The following GALNT2 variants were observed in gnomAD, a reference collection of about 807,000 sequenced individuals.
GALNT2 encodes polypeptide N-acetylgalactosaminyltransferase 2, also known as UDP-GalNAc:polypeptide N-acetylgalactosaminyltransferase 2.
GALNT2 carries 31 observed loss-of-function variants against 81.4 expected under a neutral mutation model. The ratio of observed to expected loss-of-function variants is 0.38; its 90% CI spans 0.29 to 0.51. The LOEUF (loss-of-function observed/expected upper bound fraction) is 0.51. Among genes scored for constraint, GALNT2 ranks in the 20% least tolerant of loss-of-function variants. GALNT2 has a pLI of 0.87. For missense variants in GALNT2, 629 were observed against 765.7 expected (o/e 0.82, Z 2.11); for synonymous variants, 303 against 287.4 (o/e 1.05, Z -0.55).
rs115780574 is a variant in GALNT2 at position 230,106,357 on chromosome 1, A to G, written c.126+38951A>G. 4.0e-3 allele frequency among the ~76,000 whole-genome samples: 614 copies of G among 152,310 alleles called. 3 individuals are homozygous for G. Among genetic ancestry groups the G allele is most frequent in the African/African-American group, 0.014 (592 of 41,560 alleles). ...GGCTTAGTGCCTGCTTCCAGGAGCCATGCCTCCTCCTGGCCTGGAATGAAT... is the reference window on the plus strand; with the variant it reads ...GGCTTAGTGCCTGCTTCCAGGAGCCGTGCCTCCTCCTGGCCTGGAATGAAT... On this transcript the variant is annotated intron_variant, in intron 1 of 15. Transcript: ENST00000366672.
intron 1 of GALNT2, among the ~76,000 whole-genome samples, chr1:230,068,244 C>T (rs761892644): frequency 3.9e-5 from 6 of 152,252 alleles, no homozygotes; most frequent in Non-Finnish European, 7.3e-5. Flanking sequence ...GGTTCCGCGT[C>T]CTCGTGCCGC....
At chr1:230,208,820 G>A (rs1222358158) in intron 3 of GALNT2, among the ~76,000 whole-genome samples, 2 of 152,128 alleles carry the variant, frequency 1.3e-5, no homozygotes, top group Non-Finnish European at 2.9e-5. Flanking sequence ...TCTCAGCCTT[G>A]AGCTGTGCCA....
At chr1:230,204,556 A>G (rs1247674864) in intron 3 of GALNT2, among the ~76,000 whole-genome samples, 1 of 152,184 alleles carries the variant, frequency 6.6e-6, no homozygotes, top group Non-Finnish European at 1.5e-5. Flanking sequence ...TTTTAAAAAG[A>G]GTATTTGTCA....
intron 1 of GALNT2, among the ~76,000 whole-genome samples, chr1:230,166,261 A>G (rs927043204): frequency 3.9e-5 from 6 of 152,254 alleles, no homozygotes; most frequent in African/African-American, 1.4e-4. Flanking sequence ...TTTTAAATGA[A>G]TAAAAAGAAA....
intron 1 of GALNT2, among the ~76,000 whole-genome samples, chr1:230,175,583 C>T (rs1446465994): frequency 1.8e-5 from 2 of 110,872 alleles, no homozygotes; most frequent in African/African-American, 8.3e-5. Context: ...TGCCTCCTCC[C>T]CTCCTCGTCC....
intron 1 of GALNT2, among the ~76,000 whole-genome samples, chr1:230,087,348 C>T (rs557653668): frequency 1.3e-5 from 2 of 152,306 alleles, no homozygotes; most frequent in South Asian, 2.1e-4. Context: ...TGATTGCACT[C>T]GAATTACTGC....
chr1:230,247,413 A>C (rs1665408117), intron 8 of GALNT2, among the ~76,000 whole-genome samples: 1 of 152,158 alleles, frequency 6.6e-6, no homozygotes, highest in South Asian at 2.1e-4. Flanking sequence ...TGGGATGATA[A>C]TTGTGCTGGC....
At chr1:230,198,387 G>T (rs190999914) in intron 2 of GALNT2, among the ~76,000 whole-genome samples, 3,062 of 138,070 alleles carry the variant, frequency 0.022, 144 homozygotes, top group Middle Eastern at 0.047. Context: ...ACGAGGAGTG[G>T]CAGGGGCAGG....
chr1:230,185,142 A>G (rs1489592601), intron 2 of GALNT2, among the ~76,000 whole-genome samples: 1 of 151,982 alleles, frequency 6.6e-6, no homozygotes, highest in African/African-American at 2.4e-5. Context: ...TGTGTTACCT[A>G]CTTTTTCCAT....
chr1:230,256,086 T>TC lies in GALNT2; in HGVS notation c.1136+749dup, dbSNP rs541829473. Among the ~76,000 whole-genome samples, 12 of 151,786 alleles carry TC rather than the reference T, an allele frequency of 7.9e-5. No individual in the cohort carries two copies. In the South Asian group the frequency reaches 1.5e-3, roughly 18 times the overall value. ...ATTCTCCCTTTTATAATAGCATCAA[T>TC]CCCCCCCATGAGAGTGGAGCCCTCA... On this transcript the variant is annotated intron_variant, in intron 11 of 15. Transcript: ENST00000366672.
At chr1:230,066,637 C>T (rs763050662), upstream of GALNT2, among the ~76,000 whole-genome samples, 5 of 152,196 alleles carry the variant, frequency 3.3e-5, no homozygotes, top group Non-Finnish European at 5.9e-5. Flanking sequence ...TTCAAGCGGG[C>T]GGTTTGCACC....
chr1:230,236,047 G>C lies in GALNT2; in HGVS notation c.408G>C (p.Pro136=). 6.2e-7 allele frequency: 1 copy of C among 1,613,596 alleles called. No homozygotes were observed. The part of the protein sequence containing the change: ...CQRKQWRVDL[P]ATSVVITFHN... ...GGAAGCAGTGGCGGGTGGATCTGCC[G>C]GCCACCAGCGTGGTGATCACGTTTC... is the stretch of plus-strand genomic sequence containing the variant. The change falls in exon 4 of 16, where the codon CCG becomes CCC. Residue 136 remains proline, a synonymous_variant. Coordinates refer to ENST00000366672, the MANE Select transcript of GALNT2 (RefSeq NM_004481.5).
intron 14 of GALNT2, among the ~76,000 whole-genome samples, chr1:230,270,576 C>T (rs2102775508): frequency 6.6e-6 from 1 of 152,334 alleles, no homozygotes; most frequent in South Asian, 2.1e-4. Flanking sequence ...GACAGTACGG[C>T]TCAGATATTC....
rs775028859 is a variant in GALNT2, at chr1:230,246,187, C to T, written c.817+37C>T. On this transcript the variant is annotated intron_variant, in intron 8 of 15. Transcript: ENST00000366672. Reference sequence around the variant, plus strand: ...TCATGGTGCCCCTGCCTAGCTCGTCCCGTCTACACCAGCATCTGATCACCA... The same window carrying T: ...TCATGGTGCCCCTGCCTAGCTCGTCTCGTCTACACCAGCATCTGATCACCA... The T allele has an allele frequency of 2.8e-6, 4 of 1,431,392 alleles. No homozygotes were observed. In the Admixed American group the frequency reaches 5.0e-5, roughly 18 times the overall value. 88.7% of individuals were successfully genotyped at this position (1,431,392 alleles called of 1,614,324 possible). A position where few individuals can be genotyped will look rare whatever the true frequency, so the allele number is the denominator to read the frequency against.
At chr1:230,211,584 C>A (rs1302928443) in intron 3 of GALNT2, among the ~76,000 whole-genome samples, 1 of 151,978 alleles carries the variant, frequency 6.6e-6, no homozygotes, top group African/African-American at 2.4e-5. Flanking sequence ...AGCTTGAGAC[C>A]AACCTGGGCA....
intron 1 of GALNT2, among the ~76,000 whole-genome samples, chr1:230,154,228 T>C (rs1251436419): frequency 2.0e-5 from 3 of 152,250 alleles, no homozygotes; most frequent in African/African-American, 7.2e-5. Context: ...GCACTTGCAG[T>C]GGAGACATAG....
At chr1:230,058,181 C>A (rs532970610) in intron 1 of GALNT2, 64 of 450,454 alleles carry the variant, frequency 1.4e-4, no homozygotes, top group African/African-American at 1.1e-3. Context: ...TGACACTGGC[C>A]TCCTCCTTCC....
intron 3 of GALNT2, among the ~76,000 whole-genome samples, chr1:230,233,204 A>AAT (rs1411094009): frequency 6.6e-6 from 1 of 152,144 alleles, no homozygotes; most frequent in Non-Finnish European, 1.5e-5. Flanking sequence ...CTGAGTTCCA[A>AAT]ATATATATAT....
At chr1:230,245,010 G>A (rs1026205483) in intron 7 of GALNT2, among the ~76,000 whole-genome samples, 57 of 152,196 alleles carry the variant, frequency 3.7e-4, no homozygotes, top group African/African-American at 1.3e-3. Context: ...TTGGTTAACT[G>A]TCAGCATGGG....
Sources: gnomAD v4.1 joint callset for allele counts (sites outside exome capture counted in the v4.1 genomes callset) on GRCh38, gnomAD v4.1.1 for gene constraint, MANE v1.5 for transcripts, NCBI Gene and HGNC (gene_info 2026-07-23, HGNC 2026-07-21) for gene names.